Variants in NLRP11 observed in about 807,000 individuals in gnomAD.
The protein encoded by NLRP11 is NLR family pyrin domain containing 11.
In NLRP11, 53 loss-of-function variants were observed where a neutral mutation model predicts 79.3. That is an observed-to-expected ratio of 0.67 (90% CI 0.54 to 0.84). The LOEUF is 0.84. NLRP11 is among the 40% of genes least tolerant of loss of function. The probability of loss-of-function intolerance (pLI) is 0.00; values close to 1 mark genes in which losing one functional copy is unlikely to be tolerated. For missense variants in NLRP11, 1,264 were observed against 1,255.0 expected (o/e 1.01, Z -0.11); for synonymous variants, 518 against 462.6 (o/e 1.12, Z -1.54).
chr19:55,835,577 C>T (rs1019336099), upstream of NLRP11, among the ~76,000 whole-genome samples: 6 of 150,588 alleles, frequency 4.0e-5, no homozygotes, highest in African/African-American at 1.5e-4. Context: ...CACAGTGGCT[C>T]ATGCCTGTAA....
chr19:55,831,916 A>AC (rs1982832703), intron 1 of NLRP11, 47 bp downstream of exon 1: 2 of 152,230 alleles, frequency 1.3e-5, no homozygotes, highest in Admixed American at 1.3e-4. Flanking sequence ...ATAATAAAAA[A>AC]AGACCTTAAA....
chr19:55,791,581 C>A (rs1990234907), intron 7 of NLRP11, among the ~76,000 whole-genome samples: 1 of 152,120 alleles, frequency 6.6e-6, no homozygotes, highest in Non-Finnish European at 1.5e-5. Flanking sequence ...TTATCAGTTT[C>A]TTATATTTCT....
At chr19:55,798,549 A>G (rs929985596) in intron 5 of NLRP11, among the ~76,000 whole-genome samples, 6 of 152,124 alleles carry the variant, frequency 3.9e-5, no homozygotes, top group Non-Finnish European at 5.9e-5. Context: ...AAAAATAAAA[A>G]TATCTATGAG....
intron 2 of NLRP11, among the ~76,000 whole-genome samples, chr19:55,817,635 A>G (rs1271875149): frequency 1.3e-5 from 2 of 152,160 alleles, no homozygotes; most frequent in African/African-American, 2.4e-5. Context: ...ATGCAAAGGC[A>G]TAAGAATGAT....
Position 55,801,850 on chromosome 19 carries a change from A to T in NLRP11, c.2004-111T>A, listed in dbSNP as rs1979513472. The T allele has an allele frequency of 3.7e-6, 3 of 813,186 alleles. No homozygotes were observed. The African/African-American group carries it at 5.1e-5, about 14-fold the overall frequency. 50.4% of individuals were successfully genotyped at this position (813,186 alleles called of 1,614,324 possible). A position where few individuals can be genotyped will look rare whatever the true frequency, so the allele number is the denominator to read the frequency against. On this transcript the variant is annotated intron_variant, in intron 4 of 9. Coordinates refer to ENST00000589093, the Ensembl canonical transcript of NLRP11. ...GTAACAAAGATTCTCAGTGGATTACATCCTCACACATGGCTCTCGATCTTA... is the reference window on the plus strand; with the variant it reads ...GTAACAAAGATTCTCAGTGGATTACTTCCTCACACATGGCTCTCGATCTTA...
intron 2 of NLRP11, among the ~76,000 whole-genome samples, chr19:55,812,512 G>A (rs915863255): frequency 6.6e-6 from 1 of 152,112 alleles, no homozygotes; most frequent in Non-Finnish European, 1.5e-5. Context: ...TCAACATCAC[G>A]AATCAGAAAT....
At chr19:55,821,970 C>T (rs1340725425) in intron 1 of NLRP11, among the ~76,000 whole-genome samples, 1 of 152,174 alleles carries the variant, frequency 6.6e-6, no homozygotes, top group Non-Finnish European at 1.5e-5. Flanking sequence ...ACAAGATTGC[C>T]TTAGTCAGCT....
At position 55,790,994 on chromosome 19, in the gene NLRP11, G is replaced by T. The variant is rs563554482; in HGVS notation, c.2513+1307C>A. On this transcript the variant is annotated intron_variant, in intron 7 of 9. Coordinates refer to ENST00000589093, the Ensembl canonical transcript of NLRP11. ...AATTCTTGAAGGATGACAAAAGAAC[G>T]TGTTTGGAGTCTACAGCAAGGTTCA... Among the ~76,000 whole-genome samples the T allele has an allele frequency of 2.0e-5, 3 of 152,176 alleles. No individual in the cohort carries two copies. In the East Asian group the frequency reaches 5.8e-4, roughly 29 times the overall value.
At chr19:55,831,130 A>AATCCCCCCCACCCCCCTGCTCACCCCCC (rs1982741561) in intron 1 of NLRP11, among the ~76,000 whole-genome samples, 1 of 10,004 alleles carries the variant, frequency 1.0e-4, no homozygotes, top group African/African-American at 3.8e-4. Context: ...CCCCCCGCCC[A>AATCCCCCCCACCCCCCTGCTCACCCCCC]CAACCAACTG....
intron 9 of NLRP11, among the ~76,000 whole-genome samples, chr19:55,786,087 A>C (rs549137337): frequency 2.0e-5 from 3 of 152,338 alleles, no homozygotes; most frequent in African/African-American, 7.2e-5. Flanking sequence ...CCACTGGGAG[A>C]ACTGTTTGAA....
At chr19:55,810,074 A>G (rs367766686) in exon 3 of NLRP11, 1 of 1,614,052 alleles carries the variant, frequency 6.2e-7, no homozygotes, top group Non-Finnish European at 8.5e-7. Context: ...GTACGAGATC[A>G]TGTTCTGCCA....
intron 6 of NLRP11, among the ~76,000 whole-genome samples, chr19:55,793,492 G>A (rs183001624): frequency 2.9e-4 from 41 of 141,914 alleles, no homozygotes; most frequent in Admixed American, 1.0e-3. Context: ...TGCCTGAACC[G>A]GAGAGGTGGA....
chr19:55,823,701 G>A (rs1162297125), intron 1 of NLRP11, among the ~76,000 whole-genome samples: 1 of 150,192 alleles, frequency 6.7e-6, no homozygotes, highest in East Asian at 2.0e-4. Context: ...AGCGAGAAGG[G>A]AAGTTTAGAG....
chr19:55,830,272 C>G (rs937559170), intron 1 of NLRP11, among the ~76,000 whole-genome samples: 7 of 152,280 alleles, frequency 4.6e-5, no homozygotes, highest in South Asian at 2.1e-4. Flanking sequence ...CCTTTGACTT[C>G]TATTTCACCA....
At chr19:55,806,464 A>T (rs1453129084) in intron 4 of NLRP11, among the ~76,000 whole-genome samples, 1 of 152,170 alleles carries the variant, frequency 6.6e-6, no homozygotes, top group Non-Finnish European at 1.5e-5. Flanking sequence ...TCTAGATTTA[A>T]TCAAGGAATC....
chr19:55,822,454 G>A (rs1030183813), intron 1 of NLRP11, among the ~76,000 whole-genome samples: 3 of 152,194 alleles, frequency 2.0e-5, no homozygotes, highest in African/African-American at 4.8e-5. Context: ...AGCTCCCAGC[G>A]TGAGCAACGC....
intron 4 of NLRP11, among the ~76,000 whole-genome samples, chr19:55,803,596 T>G (rs1223327026): frequency 6.6e-6 from 1 of 152,094 alleles, no homozygotes; most frequent in African/African-American, 2.4e-5. Context: ...TATAAGGAAC[T>G]TAAATTTACA....
At chr19:55,810,169 G>T in exon 3 of NLRP11, 1 of 1,613,752 alleles carries the variant, frequency 6.2e-7, no homozygotes, top group Non-Finnish European at 8.5e-7. Context: ...GGAACACATT[G>T]AGATTGTTTG....
chr19:55,831,284 G>C (rs903227059), intron 1 of NLRP11, among the ~76,000 whole-genome samples: 2 of 151,524 alleles, frequency 1.3e-5, no homozygotes, highest in East Asian at 1.9e-4. Context: ...GCTCAGGACC[G>C]GGTGCAGGAG....
Sources: allele counts gnomAD v4.1 joint callset (sites outside exome capture counted in the v4.1 genomes callset), GRCh38; gene constraint gnomAD v4.1.1; transcripts MANE v1.5; gene names NCBI Gene and HGNC (gene_info 2026-07-23, HGNC 2026-07-21).